The following TNIP1 variants were observed in gnomAD, a reference collection of about 807,000 sequenced individuals.
The protein encoded by TNIP1 is TNFAIP3 interacting protein 1.
In TNIP1, 22 loss-of-function variants were observed where a neutral mutation model predicts 86.6. The observed-to-expected ratio is 0.25, with a 90% CI of 0.18 to 0.36. TNIP1 has a LOEUF of 0.36. Among genes scored for constraint, TNIP1 ranks in the 10% least tolerant of loss-of-function variants. TNIP1 has a pLI of 1.00. For synonymous variants in TNIP1, 294 were observed against 313.0 expected (o/e 0.94, Z 0.64); for missense variants, 709 against 820.6 (o/e 0.86, Z 1.66).
At chr5:151,056,316 G>A (rs948391132) in intron 6 of TNIP1, among the ~76,000 whole-genome samples, 3 of 152,166 alleles carry the variant, frequency 2.0e-5, no homozygotes, top group Non-Finnish European at 4.4e-5. Flanking sequence ...TTTGGAATGC[G>A]AGAGATCGAG....
rs141137812 is a variant in TNIP1 at position 151,036,546 on chromosome 5, T to C, written c.1395+244A>G. On this transcript the variant is annotated intron_variant, in intron 13 of 17. Transcript: ENST00000521591. ...TATTTAGAATTTATTTTTTAAATAC[T>C]AGGTAAATAATAGCACGTGTGGGGC... is the stretch of plus-strand genomic sequence containing the variant. Among the ~76,000 whole-genome samples, 835 of 152,336 alleles carry C rather than the reference T, an allele frequency of 5.5e-3. 7 individuals carry two copies. The highest frequency in any genetic ancestry group is 0.019 in the African/African-American group (789 of 41,574).
At chr5:151,036,709 G>C in intron 13 of TNIP1, 81 bp downstream of exon 13, 1 of 1,602,144 alleles carries the variant, frequency 6.2e-7, no homozygotes, top group Non-Finnish European at 8.5e-7. Context: ...GGTTCCATGT[G>C]ATTCCAAGCC....
chr5:151,042,836 A>C (rs1758618211), intron 10 of TNIP1, 60 bp downstream of exon 10: 1 of 1,608,810 alleles, frequency 6.2e-7, no homozygotes, highest in South Asian at 1.1e-5. Context: ...AAGCTGCTAA[A>C]GAGGCAGCGA....
intron 4 of TNIP1, among the ~76,000 whole-genome samples, chr5:151,061,654 T>C (rs1191022596): frequency 2.0e-5 from 3 of 152,066 alleles, no homozygotes; most frequent in African/African-American, 4.8e-5. Flanking sequence ...ACTACTTTTT[T>C]TCTTAGAGAG....
At chr5:151,051,590 G>A (rs948662944) in intron 7 of TNIP1, among the ~76,000 whole-genome samples, 1 of 152,212 alleles carries the variant, frequency 6.6e-6, no homozygotes, top group Non-Finnish European at 1.5e-5. Context: ...CAAGATCAGT[G>A]TTTCCCAAGG....
At chr5:151,035,263 C>T (rs1204123530) in intron 14 of TNIP1, among the ~76,000 whole-genome samples, 196 bp from the exon 15 acceptor site, 1 of 152,230 alleles carries the variant, frequency 6.6e-6, no homozygotes, top group East Asian at 1.9e-4. Flanking sequence ...CTGCTTGTCA[C>T]AGTGGTCTGT....
chr5:151,049,960 TA>T lies in TNIP1; in HGVS notation c.723-14del. The stretch of plus-strand genomic sequence containing the variant: ...CAAATTTTCCTCCCTGGGATGGAGG[TA>T]AACAGAGAAATCACAATGCTGACCC... On this transcript the variant is annotated splice_polypyrimidine_tract_variant and intron_variant, in intron 7 of 17. Transcript: ENST00000521591. 1 of 1,613,898 alleles carries T rather than the reference TA, an allele frequency of 6.2e-7. No individual in the cohort carries two copies. Among genetic ancestry groups the T allele is most frequent in the Non-Finnish European group, 8.5e-7 (1 of 1,179,934 alleles).
Position 151,030,677 on chromosome 5 carries a change from C to A in TNIP1, c.*36G>T. ...GGCAATCTGAGATCAGCTGGCTCTGCAAGATGAAGGTGGAGCCAAATGACA... is the reference window on the plus strand; with the variant it reads ...GGCAATCTGAGATCAGCTGGCTCTGAAAGATGAAGGTGGAGCCAAATGACA... On this transcript the variant is annotated 3_prime_UTR_variant, in exon 18 of 18. Coordinates refer to ENST00000521591, the MANE Select transcript of TNIP1 (RefSeq NM_006058.5). The A allele has an allele frequency of 6.2e-7, 1 of 1,614,004 alleles. No individual in the cohort carries two copies. The highest frequency in any genetic ancestry group is 8.5e-7 in the Non-Finnish European group (1 of 1,179,942).
At chr5:151,043,482 A>G (rs2113425843) in intron 9 of TNIP1, among the ~76,000 whole-genome samples, 1 of 152,378 alleles carries the variant, frequency 6.6e-6, no homozygotes, top group East Asian at 1.9e-4. Flanking sequence ...TAAGAAAATA[A>G]GAAAATAGGC....
intron 5 of TNIP1, among the ~76,000 whole-genome samples, chr5:151,059,828 A>AGAGAGAGAGTGTGTGTGTGT (rs1554076446): frequency 1.8e-5 from 1 of 56,398 alleles, no homozygotes; most frequent in South Asian, 6.8e-4. Flanking sequence ...AGAGAGAGAG[A>AGAGAGAGAGTGTGTGTGTGT]GTGTGTGTGT....
rs540082408 is a variant in TNIP1, at chr5:151,041,910, C to T, written c.1134+630G>A. ...GAACACTTGGCAGCATCCCACCCCA[C>T]CAAGTGCCATACAGCAGGCCTGCTT... On this transcript the variant is annotated intron_variant, in intron 11 of 17. Transcript: ENST00000521591. 2.6e-5 allele frequency among the ~76,000 whole-genome samples: 4 copies of T among 151,620 alleles called. No individual in the cohort carries two copies. In the South Asian group the frequency reaches 8.4e-4, roughly 32 times the overall value.
intron 8 of TNIP1, among the ~76,000 whole-genome samples, chr5:151,049,382 C>T (rs553074306): frequency 6.6e-6 from 1 of 152,274 alleles, no homozygotes; most frequent in Admixed American, 6.5e-5. Context: ...TTAGAGGCTC[C>T]AGAGACACAA....
chr5:151,046,092 A>C (rs1266462896), intron 8 of TNIP1, 142 bp from the exon 9 acceptor site: 3 of 677,230 alleles, frequency 4.4e-6, no homozygotes, highest in African/African-American at 1.8e-5. Context: ...GACACCACTA[A>C]CCATCCCAGT....
chr5:151,082,917 T>C (rs1764129596), upstream of TNIP1, among the ~76,000 whole-genome samples: 1 of 152,212 alleles, frequency 6.6e-6, no homozygotes, highest in Non-Finnish European at 1.5e-5. Flanking sequence ...ATGGAGCCCA[T>C]AGATAACAAA....
chr5:151,030,372 A>T lies in TNIP1; in HGVS notation c.*341T>A. On this transcript the variant is annotated 3_prime_UTR_variant, in exon 18 of 18. Transcript: ENST00000521591. ...ACCACTTCCGGGAGGTTTTGAAGGA[A>T]GGGGGTCTTGGCTGCCTCCCACTCT... 2.2e-6 allele frequency: 1 copy of T among 461,964 alleles called. No homozygotes were observed. The highest frequency in any genetic ancestry group is 4.0e-6 in the Non-Finnish European group (1 of 248,366). The allele number at this position is 461,964 out of a possible 1,614,324, so 28.6% of individuals were successfully genotyped here.
rs778420111 is a variant in TNIP1 at position 151,033,710 on chromosome 5, C to T, written c.1677G>A (p.Val559=). The change falls in exon 16 of 18, where the codon GTG becomes GTA. Residue 559 remains valine (V), a synonymous_variant. Coordinates refer to ENST00000521591, the MANE Select transcript of TNIP1 (RefSeq NM_006058.5). ...ACCAGTCCTCGAAGCCATGGTGTGGCACCATGGCTGGCATGGGCGGGTAGG... is the reference window on the plus strand; with the variant it reads ...ACCAGTCCTCGAAGCCATGGTGTGGTACCATGGCTGGCATGGGCGGGTAGG... ...PYAYPPMPAM[V]PHHGFEDWSQ... is the part of the protein sequence containing the mutation. 7.4e-7 allele frequency: 1 copy of T among 1,356,680 alleles called. No individual in the cohort carries two copies. Among genetic ancestry groups the T allele is most frequent in the Non-Finnish European group, 9.6e-7 (1 of 1,045,216 alleles). 84.0% of individuals were successfully genotyped at this position (1,356,680 alleles called of 1,614,324 possible). A position where few individuals can be genotyped will look rare whatever the true frequency, so the allele number is the denominator to read the frequency against.
At chr5:151,056,727 C>T (rs368903869) in intron 6 of TNIP1, 39 bp downstream of exon 6, 34 of 1,439,626 alleles carry the variant, frequency 2.4e-5, no homozygotes, top group Non-Finnish European at 2.9e-5. Context: ...GGGGGAAGCA[C>T]GCCTGCCTGT....
At chr5:151,071,039 G>C (rs1762771367) in intron 1 of TNIP1, among the ~76,000 whole-genome samples, 1 of 152,006 alleles carries the variant, frequency 6.6e-6, no homozygotes. Flanking sequence ...GGTGGGGGGG[G>C]CGCAGTATAT....
In TNIP1 at chr5:151,030,215, T is replaced by C; in HGVS notation, c.*498A>G. On this transcript the variant is annotated 3_prime_UTR_variant, in exon 18 of 18. Coordinates refer to ENST00000521591, the MANE Select transcript of TNIP1 (RefSeq NM_006058.5). ...GAATATCCATCATTCTCTTCTGTTC[T>C]GGAGACAAACCCACACTTCCCACAG... is the stretch of plus-strand genomic sequence containing the variant. 2.2e-6 allele frequency: 1 copy of C among 448,588 alleles called. No individual in the cohort carries two copies. The highest frequency in any genetic ancestry group is 1.6e-5 in the South Asian group (1 of 64,188). 27.8% of individuals were successfully genotyped at this position (448,588 alleles called of 1,614,324 possible).
Sources: gnomAD v4.1 joint callset for allele counts (sites outside exome capture counted in the v4.1 genomes callset) on GRCh38, gnomAD v4.1.1 for gene constraint, MANE v1.5 for transcripts, NCBI Gene and HGNC (gene_info 2026-07-23, HGNC 2026-07-21) for gene names.